POLK: variants seen among roughly 807,000 people sequenced by gnomAD.
POLK encodes the protein polymerase (DNA directed) kappa.
In POLK, 76 loss-of-function variants were observed where a neutral mutation model predicts 94.0. That is an observed-to-expected ratio of 0.81 (90% CI 0.67 to 0.98). POLK has a LOEUF of 0.98. Among genes scored for constraint, POLK ranks in the 50% least tolerant of loss-of-function variants. POLK has a pLI of 0.00. For missense variants in POLK, 954 were observed against 1,010.1 expected, an observed-to-expected ratio of 0.94 and a Z score of 0.75; for synonymous variants, 349 against 325.4, an observed-to-expected ratio of 1.07 and a Z score of -0.78.
chr5:75,530,660 G>A (rs1161987875), intron 1 of POLK, among the ~76,000 whole-genome samples: 1 of 151,430 alleles, frequency 6.6e-6, no homozygotes, highest in Non-Finnish European at 1.5e-5. Flanking sequence ...TATTGTGTTT[G>A]TAAAAACTTA....
chr5:75,515,182 A>T (rs1182168136), intron 1 of POLK, among the ~76,000 whole-genome samples: 5 of 152,180 alleles, frequency 3.3e-5, no homozygotes, highest in Admixed American at 3.3e-4. Context: ...AAACGTATTG[A>T]TTTAACCTTT....
At position 75,587,021 on chromosome 5, in the gene POLK, T is replaced by G; in HGVS notation, c.1227-5T>G. On this transcript the variant is annotated splice_polypyrimidine_tract_variant and splice_region_variant and intron_variant, in intron 9 of 14. Transcript: ENST00000241436. The stretch of plus-strand genomic sequence containing the variant: ...AAAATAAAGACCTTTTTTTTTCATT[T>G]CAAGGGATGGAGAGAGGAAAAGTAT... 6 of 1,547,638 alleles carry G rather than the reference T, an allele frequency of 3.9e-6. No homozygotes were observed. The highest frequency in any genetic ancestry group is 4.4e-6 in the Non-Finnish European group (5 of 1,140,642).
At chr5:75,514,227 T>C (rs1768218074) in intron 1 of POLK, among the ~76,000 whole-genome samples, 1 of 152,210 alleles carries the variant, frequency 6.6e-6, no homozygotes, top group South Asian at 2.1e-4. Context: ...TTCTAGCATT[T>C]TTCTGTCTAG....
chr5:75,541,298 C>CA (rs946246799), intron 1 of POLK, among the ~76,000 whole-genome samples: 12 of 149,576 alleles, frequency 8.0e-5, no homozygotes, highest in African/African-American at 1.7e-4. Context: ...TCTTCTGTCT[C>CA]AAAAAAAAAC....
intron 5 of POLK, among the ~76,000 whole-genome samples, chr5:75,574,091 T>C (rs1003279121): frequency 2.0e-5 from 3 of 152,198 alleles, no homozygotes; most frequent in Non-Finnish European, 4.4e-5. Flanking sequence ...GCAGTTTTCA[T>C]TTGCTTAGAA....
chr5:75,573,068 G>A (rs1243115169), intron 4 of POLK, among the ~76,000 whole-genome samples: 1 of 152,122 alleles, frequency 6.6e-6, no homozygotes, highest in Non-Finnish European at 1.5e-5. Flanking sequence ...GCACACATAT[G>A]TTTATTGCGG....
chr5:75,555,791 C>T (rs768193999), intron 3 of POLK, among the ~76,000 whole-genome samples: 3 of 152,108 alleles, frequency 2.0e-5, no homozygotes, highest in Non-Finnish European at 2.9e-5. Context: ...TCATGTCATC[C>T]GCCTGCCTCA....
intron 1 of POLK, among the ~76,000 whole-genome samples, chr5:75,538,994 A>G (rs1315275354): frequency 6.6e-6 from 1 of 151,892 alleles, no homozygotes; most frequent in African/African-American, 2.4e-5. Context: ...CTGGTCTCAA[A>G]CTTCTGACCT....
At chr5:75,523,488 T>C (rs773767749) in intron 1 of POLK, among the ~76,000 whole-genome samples, 13 of 152,228 alleles carry the variant, frequency 8.5e-5, no homozygotes, top group Non-Finnish European at 1.5e-4. Context: ...TGTGAAAAGA[T>C]GTGTAAAGTT....
intron 8 of POLK, 86 bp from the exon 9 acceptor site, chr5:75,584,674 A>C: frequency 2.5e-6 from 2 of 813,498 alleles, no homozygotes. Context: ...TCCATCTCAA[A>C]AAAAAAAAAA....
chr5:75,564,862 G>T (rs1286667436), intron 3 of POLK, among the ~76,000 whole-genome samples: 1 of 151,982 alleles, frequency 6.6e-6, no homozygotes, highest in Non-Finnish European at 1.5e-5. Flanking sequence ...ATGTGTCTTG[G>T]GGTTGCTCTT....
At chr5:75,609,878 A>G in the POLK span, 9 of 152,196 alleles carry the variant, frequency 5.9e-5, no homozygotes, top group Non-Finnish European at 1.0e-4. Flanking sequence ...AATAATTTGA[A>G]GGGAAAAACT....
At chr5:75,520,604 G>C (rs1485654593) in intron 1 of POLK, among the ~76,000 whole-genome samples, 1 of 152,100 alleles carries the variant, frequency 6.6e-6, no homozygotes, top group African/African-American at 2.4e-5. Context: ...TTATGATGTT[G>C]CCCAGGATAG....
intron 1 of POLK, among the ~76,000 whole-genome samples, chr5:75,543,939 A>G (rs1769879741): frequency 6.6e-6 from 1 of 152,070 alleles, no homozygotes; most frequent in Non-Finnish European, 1.5e-5. Context: ...GCTCAAGTGA[A>G]ACTCCCAACT....
At chr5:75,527,536 CACACAA>C (rs1287299694) in intron 1 of POLK, among the ~76,000 whole-genome samples, 1 of 148,048 alleles carries the variant, frequency 6.8e-6, no homozygotes, top group Non-Finnish European at 1.5e-5. Context: ...CACACACACA[CACACAA>C]GTACGTGTGT....
intron 1 of POLK, among the ~76,000 whole-genome samples, chr5:75,535,996 C>T (rs73120848): frequency 0.084 from 12,772 of 152,136 alleles, 1,264 homozygotes; most frequent in African/African-American, 0.24. Context: ...CTAGTGTGGT[C>T]GTTTGGAGGT....
chr5:75,571,523 A>C (rs765966867), intron 4 of POLK, among the ~76,000 whole-genome samples: 32 of 152,164 alleles, frequency 2.1e-4, no homozygotes, highest in Non-Finnish European at 2.6e-4. Flanking sequence ...AGGGCAATTT[A>C]ACTGAGGCTA....
At chr5:75,525,714 G>A (rs140422204) in intron 1 of POLK, among the ~76,000 whole-genome samples, 1 of 152,292 alleles carries the variant, frequency 6.6e-6, no homozygotes, top group East Asian at 1.9e-4. Context: ...AAATAATGGA[G>A]TCTAGAAAAC....
chr5:75,602,346 A>G (rs1451104742), downstream of POLK, among the ~76,000 whole-genome samples: 1 of 152,178 alleles, frequency 6.6e-6, no homozygotes, highest in Non-Finnish European at 1.5e-5. Flanking sequence ...TATCTCGTCA[A>G]ACTAACAAAA....
Sources: allele counts gnomAD v4.1 joint callset (sites outside exome capture counted in the v4.1 genomes callset), GRCh38; gene constraint gnomAD v4.1.1; transcripts MANE v1.5; gene names NCBI Gene and HGNC (gene_info 2026-07-23, HGNC 2026-07-21).